Variants in CXADR observed in about 807,000 individuals in gnomAD.
CXADR encodes CXADR cell adhesion molecule, also known as coxsackievirus and adenovirus receptor.
A neutral mutation model predicts 40.3 loss-of-function variants in CXADR; 20 were observed. The observed-to-expected ratio is 0.50, with a 90% CI of 0.35 to 0.72. CXADR has a LOEUF of 0.72. Among genes scored for constraint, CXADR ranks in the 30% least tolerant of loss-of-function variants. The probability of loss-of-function intolerance (pLI) is 0.01; values close to 1 mark genes in which losing one functional copy is unlikely to be tolerated. For missense variants in CXADR, 332 were observed against 449.1 expected, an observed-to-expected ratio of 0.74 and a Z score of 2.36; for synonymous variants, 150 against 161.3, an observed-to-expected ratio of 0.93 and a Z score of 0.53.
intron 1 of CXADR, among the ~76,000 whole-genome samples, chr21:17,529,792 C>T (rs892122366): frequency 5.3e-5 from 8 of 152,032 alleles, no homozygotes; most frequent in African/African-American, 1.9e-4. Flanking sequence ...CAGTTTAGAC[C>T]ATTAATTTTT....
chr21:17,574,162 C>T (rs567660770), downstream of CXADR, among the ~76,000 whole-genome samples: 43 of 152,290 alleles, frequency 2.8e-4, no homozygotes, highest in African/African-American at 9.1e-4. Context: ...CCCTCTCACC[C>T]GTATTTCCCA....
chr21:17,526,136 T>C (rs2060596016), intron 1 of CXADR, among the ~76,000 whole-genome samples: 1 of 152,226 alleles, frequency 6.6e-6, no homozygotes, highest in Non-Finnish European at 1.5e-5. Flanking sequence ...CAGCAGCTAC[T>C]GTATTGGTCA....
At chr21:17,594,371 A>C (rs745861748), downstream of CXADR, 1 of 1,581,744 alleles carries the variant, frequency 6.3e-7, no homozygotes, top group South Asian at 1.2e-5. Flanking sequence ...TTCAAAGGAA[A>C]AAATCATCAT....
chr21:17,633,456 G>A, the CXADR span, among the ~76,000 whole-genome samples: 5 of 152,162 alleles, frequency 3.3e-5, no homozygotes, highest in South Asian at 1.0e-3. Context: ...CTACTCAGGA[G>A]GCTGAGACAG....
chr21:17,540,161 G>A (rs561236255), intron 1 of CXADR, among the ~76,000 whole-genome samples: 2 of 151,938 alleles, frequency 1.3e-5, no homozygotes, highest in South Asian at 4.2e-4. Context: ...TCTCTTAAGC[G>A]GATGTCAGTT....
Position 17,513,048 on chromosome 21 carries a change from GGA to G in CXADR, c.-80_-79del. 7.9e-7 allele frequency: 1 copy of G among 1,266,456 alleles called. No homozygotes were observed. Among genetic ancestry groups the G allele is most frequent in the Middle Eastern group, 3.0e-4 (1 of 3,330 alleles). 78.5% of individuals were successfully genotyped at this position (1,266,456 alleles called of 1,614,324 possible). ...TGCCGCCGCCGCCGCGAGCCAGTCGGGAGCGCGCGAGGCGCGGGGAGCCTGGG... is the reference window on the plus strand; with the variant it reads ...TGCCGCCGCCGCCGCGAGCCAGTCGGGCGCGCGAGGCGCGGGGAGCCTGGG... On this transcript the variant is annotated 5_prime_UTR_variant, in exon 1 of 7. Transcript: ENST00000284878.
chr21:17,514,654 A>G (rs75692603), intron 1 of CXADR, among the ~76,000 whole-genome samples: 2 of 150,130 alleles, frequency 1.3e-5, no homozygotes, highest in East Asian at 1.9e-4. Context: ...TTTTTTTTAA[A>G]TGGAGTTTCG....
At position 17,588,795 on chromosome 21, in the gene CXADR, C is replaced by T. The variant is rs1293613273; in HGVS notation, c.1018-4357C>T. Among the ~76,000 whole-genome samples, 5 of 151,968 alleles carry T rather than the reference C, an allele frequency of 3.3e-5. No individual in the cohort carries two copies. In the East Asian group the frequency reaches 5.8e-4, roughly 18 times the overall value. On this transcript the variant is annotated intron_variant, in intron 7 of 7. Transcript: ENST00000400169. Reference sequence around the variant, plus strand: ...TGGTAATTCTTGAAATTTACTCTTCCATGTAAACTTAAAATCAGGCTTTCT... The same window carrying T: ...TGGTAATTCTTGAAATTTACTCTTCTATGTAAACTTAAAATCAGGCTTTCT...
At position 17,559,668 on chromosome 21, in the gene CXADR, G is replaced by GTTTTTTTTTT. The variant is rs1491548660; in HGVS notation, c.571+537_571+538insTTTTTTTTTT. ...TTAGTTACTTTGGTACTTTTTTTTGGGTTTTTTTTTTTTTTTTTTTTTTCC... is the reference window on the plus strand; with the variant it reads ...TTAGTTACTTTGGTACTTTTTTTTGGTTTTTTTTTTGTTTTTTTTTTTTTTTTTTTTTTCC... On this transcript the variant is annotated intron_variant, in intron 4 of 6. Transcript: ENST00000284878. Among the ~76,000 whole-genome samples the GTTTTTTTTTT allele has an allele frequency of 4.7e-5, 5 of 106,208 alleles. 2 individuals are homozygous for GTTTTTTTTTT. The highest frequency in any genetic ancestry group is 1.1e-4 in the Admixed American group (1 of 9,270). 69.7% of individuals were successfully genotyped at this position (106,208 alleles called of 152,430 possible). A position where few individuals can be genotyped will look rare whatever the true frequency, so the allele number is the denominator to read the frequency against.
At chr21:17,619,246 G>A in the CXADR span, among the ~76,000 whole-genome samples, 2,403 of 152,226 alleles carry the variant, frequency 0.016, 79 homozygotes, top group African/African-American at 0.055. Context: ...CAGGCTGGGC[G>A]CAATGCCTCA....
intron 7 of CXADR, among the ~76,000 whole-genome samples, chr21:17,584,985 A>G (rs1359058795): frequency 6.6e-6 from 1 of 152,270 alleles, no homozygotes; most frequent in Non-Finnish European, 1.5e-5. Flanking sequence ...ATGATTTATA[A>G]GATGCAAAAA....
At chr21:17,588,243 T>C (rs900343148) in intron 7 of CXADR, among the ~76,000 whole-genome samples, 1 of 152,192 alleles carries the variant, frequency 6.6e-6, no homozygotes, top group Admixed American at 6.5e-5. Context: ...ATATGAACTT[T>C]AAAGTAGTTT....
chr21:17,522,620 C>T (rs1320695143), intron 1 of CXADR, among the ~76,000 whole-genome samples: 2 of 152,148 alleles, frequency 1.3e-5, no homozygotes, highest in Non-Finnish European at 2.9e-5. Flanking sequence ...TGGCTACATC[C>T]GGTGGTCACA....
At chr21:17,631,079 A>G in the CXADR span, among the ~76,000 whole-genome samples, 1 of 152,238 alleles carries the variant, frequency 6.6e-6, no homozygotes, top group East Asian at 1.9e-4. Flanking sequence ...GATCAGTATT[A>G]TATTAAAAGA....
chr21:17,552,788 T>G (rs2060985882), intron 3 of CXADR, among the ~76,000 whole-genome samples: 1 of 152,204 alleles, frequency 6.6e-6, no homozygotes, highest in African/African-American at 2.4e-5. Flanking sequence ...GCTAGAATTG[T>G]CTAGCATGAC....
Position 17,565,734 on chromosome 21 carries a change from T to C in CXADR, c.*42T>C, listed in dbSNP as rs2061199265. 6.4e-7 allele frequency: 1 copy of C among 1,573,092 alleles called. No homozygotes were observed. Reference sequence around the variant, plus strand: ...ATCTGTGCTCTCCGTGTTCCTTTCCTTTTTTTGATATATGAAAACCTATTC... The same window carrying C: ...ATCTGTGCTCTCCGTGTTCCTTTCCCTTTTTTGATATATGAAAACCTATTC... On this transcript the variant is annotated 3_prime_UTR_variant, in exon 7 of 7. Transcript: ENST00000284878.
chr21:17,559,752 C>G (rs2061088828), intron 4 of CXADR, among the ~76,000 whole-genome samples: 1 of 148,918 alleles, frequency 6.7e-6, no homozygotes, highest in Non-Finnish European at 1.5e-5. Context: ...AATCTCGGCT[C>G]CCTGCAGTCT....
At position 17,559,058 on chromosome 21, in the gene CXADR, A is replaced by G; in HGVS notation, c.498A>G (p.Glu166=). Residue 166 remains glutamate, a synonymous_variant, in exon 4 of 7, where the codon GAA becomes GAG. Transcript: ENST00000284878. ...TTAAGATAAAATGTGAACCAAAAGA[A>G]GGTTCACTTCCATTACAGTATGAGT... ...SDFKIKCEPK[E]GSLPLQYEWQ... 6.2e-7 allele frequency: 1 copy of G among 1,613,998 alleles called. No individual in the cohort carries two copies. Among genetic ancestry groups the G allele is most frequent in the Non-Finnish European group, 8.5e-7 (1 of 1,179,870 alleles).
At chr21:17,598,603 G>A in the CXADR span, 1 of 1,611,172 alleles carries the variant, frequency 6.2e-7, no homozygotes, top group African/African-American at 1.3e-5. Flanking sequence ...AAACTGAGCT[G>A]TTTTCATGGT....
Sources: allele counts gnomAD v4.1 joint callset (sites outside exome capture counted in the v4.1 genomes callset), GRCh38; gene constraint gnomAD v4.1.1; transcripts MANE v1.5; gene names NCBI Gene and HGNC (gene_info 2026-07-23, HGNC 2026-07-21).